The following NRDC variants were observed in gnomAD, a reference collection of about 807,000 sequenced individuals.
The protein encoded by NRDC is nardilysin convertase, also known as nardilysin.
Under a neutral mutation model 147.1 loss-of-function variants are expected in NRDC, and 54 were observed. That is an observed-to-expected ratio of 0.37 (90% confidence interval 0.29 to 0.46). The LOEUF is 0.46. Among genes scored for constraint, NRDC ranks in the 20% least tolerant of loss-of-function variants. NRDC has a pLI of 1.00. For synonymous variants in NRDC, 440 were observed against 482.1 expected (o/e 0.91, Z 1.14); for missense variants, 1,082 against 1,370.6 (o/e 0.79, Z 3.33).
intron 1 of NRDC, among the ~76,000 whole-genome samples, chr1:51,867,215 C>T (rs886516924): frequency 2.6e-5 from 4 of 152,054 alleles, no homozygotes; most frequent in African/African-American, 7.2e-5. Context: ...AAAGTATATC[C>T]TTATGTAACA....
At chr1:51,856,076 T>A (rs977965130) in intron 1 of NRDC, among the ~76,000 whole-genome samples, 4 of 152,348 alleles carry the variant, frequency 2.6e-5, no homozygotes, top group Admixed American at 2.6e-4. Flanking sequence ...CTCACACATT[T>A]CTGATGAATC....
chr1:51,855,307 C>T (rs1682180648), intron 1 of NRDC, among the ~76,000 whole-genome samples: 1 of 152,154 alleles, frequency 6.6e-6, no homozygotes, highest in Admixed American at 6.5e-5. Flanking sequence ...AAATGCCTTC[C>T]TTTCTACTGC....
intron 1 of NRDC, among the ~76,000 whole-genome samples, chr1:51,857,528 C>T (rs1217562370): frequency 6.6e-6 from 1 of 152,144 alleles, no homozygotes; most frequent in Non-Finnish European, 1.5e-5. Flanking sequence ...AGCAAGGTAC[C>T]CCTCAGACTC....
chr1:51,855,491 G>GA (rs56862218), intron 1 of NRDC, among the ~76,000 whole-genome samples: 6,564 of 144,920 alleles, frequency 0.045, 178 homozygotes, highest in South Asian at 0.11. Flanking sequence ...CCCTTATAAA[G>GA]AAAAAAAAAA....
chr1:51,790,044 A>AC (rs1361772343), intron 29 of NRDC, among the ~76,000 whole-genome samples: 1 of 152,106 alleles, frequency 6.6e-6, no homozygotes, highest in East Asian at 1.9e-4. Context: ...TTACTAAATA[A>AC]CCTCTTTACA....
Position 51,842,902 on chromosome 1 carries a change from C to CA in NRDC, c.342-2389dup, listed in dbSNP as rs564704302. ...GTAACATGGCAAAACCCCATCTCTACAAAAAAAAATACAAAAATTAGCTAG... is the reference window on the plus strand; with the variant it reads ...GTAACATGGCAAAACCCCATCTCTACAAAAAAAAAATACAAAAATTAGCTAG... On this transcript the variant is annotated intron_variant, in intron 1 of 30. Transcript: ENST00000352171. Among the ~76,000 whole-genome samples the CA allele has an allele frequency of 5.5e-3, 815 of 149,474 alleles. 1 individual carries two copies. The highest frequency in any genetic ancestry group is 9.2e-3 in the Non-Finnish European group (616 of 67,170).
Position 51,812,046 on chromosome 1 carries a change from G to A in NRDC, c.1727C>T (p.Pro576Leu). 2 of 1,613,936 alleles carry A rather than the reference G, an allele frequency of 1.2e-6. No homozygotes were observed. The highest frequency in any genetic ancestry group is 1.7e-6 in the Non-Finnish European group (2 of 1,179,864). ...ENMCENMQLY[P>L]LQDILTGDQL... is the part of the protein sequence containing the mutation. Reference sequence around the variant, plus strand: ...ATCTCCAGTGAGAATGTCCTGCAATGGGTACAGCTGCATGTTCTCACACAT... The same window carrying A: ...ATCTCCAGTGAGAATGTCCTGCAATAGGTACAGCTGCATGTTCTCACACAT... The change falls in exon 15 of 31, where the codon CCA becomes CTA. Residue 576 changes from proline to leucine, a missense_variant. Around this residue, in one of 3 missense-constraint regions of NRDC, gnomAD observed 635 missense variants for 923.8 expected, o/e 0.69. Transcript: ENST00000352171.
chr1:51,878,170 G>T, intron 1 of NRDC, 105 bp downstream of exon 1: 1 of 1,447,688 alleles, frequency 6.9e-7, no homozygotes, highest in Non-Finnish European at 9.3e-7. Flanking sequence ...GGTGGAAAGT[G>T]TGCCCTGTTG....
Position 51,814,035 on chromosome 1 carries a change from C to CT in NRDC, c.1673dup (p.Thr559AspfsTer5). ...GCAAAAAGAATTTGACTTCCAGTAC[C>CT]TGTTCTTGGTAATGAAATTCATTAT... On this transcript the variant is annotated frameshift_variant and splice_region_variant, in exon 14 of 31. Coordinates refer to ENST00000352171, the MANE Select transcript of NRDC (RefSeq NM_001101662.2). LOFTEE classifies it high-confidence loss of function. The CT allele has an allele frequency of 6.3e-7, 1 of 1,592,842 alleles. No individual in the cohort carries two copies. The highest frequency in any genetic ancestry group is 8.6e-7 in the Non-Finnish European group (1 of 1,162,492).
chr1:51,875,443 T>C (rs1376918922), intron 1 of NRDC, among the ~76,000 whole-genome samples: 1 of 152,258 alleles, frequency 6.6e-6, no homozygotes, highest in African/African-American at 2.4e-5. Flanking sequence ...TCTTAAGCAT[T>C]ATCTACTCTT....
Position 51,803,848 on chromosome 1 carries a change from A to G in NRDC, c.2279T>C (p.Ile760Thr). Residue 760 changes from isoleucine to threonine, a missense_variant, in exon 20 of 31, where the codon ATT becomes ACT. By Grantham distance (89) the Ile-to-Thr change is moderately conservative. Transcript: ENST00000352171. ...GTGGTTAAATCCTTTCACTCGAATA[A>G]TTAAACCATGTTCTCCAGCTACCAG... ...YKLVAGEHGL[I>T]IRVKGFNHKL... The G allele has an allele frequency of 6.2e-7, 1 of 1,613,786 alleles. No individual in the cohort carries two copies. The highest frequency in any genetic ancestry group is 8.5e-7 in the Non-Finnish European group (1 of 1,179,822).
chr1:51,806,984 C>T (rs1571852546), intron 17 of NRDC, 71 bp from the exon 18 acceptor site: 1 of 1,539,756 alleles, frequency 6.5e-7, no homozygotes, highest in South Asian at 1.3e-5. Context: ...TTATTGGCTT[C>T]AGAAGTCTAA....
In NRDC at chr1:51,878,699, G is replaced by C. The variant is rs532521774; in HGVS notation, c.-84C>G. The C allele has an allele frequency of 1.6e-6, 2 of 1,260,640 alleles. No homozygotes were observed. Among genetic ancestry groups the C allele is most frequent in the African/African-American group, 1.5e-5 (1 of 67,578 alleles). 78.1% of individuals were successfully genotyped at this position (1,260,640 alleles called of 1,614,324 possible). Reference sequence around the variant, plus strand: ...CTAGAGGCGGTGGCGGCCGGCCCTGGTGCTGCCGCAGCCGCGGGGAACAGG... The same window carrying C: ...CTAGAGGCGGTGGCGGCCGGCCCTGCTGCTGCCGCAGCCGCGGGGAACAGG... On this transcript the variant is annotated 5_prime_UTR_variant, in exon 1 of 31. Coordinates refer to ENST00000352171, the MANE Select transcript of NRDC (RefSeq NM_001101662.2).
intron 1 of NRDC, among the ~76,000 whole-genome samples, chr1:51,853,453 A>G (rs1044148977): frequency 7.2e-5 from 11 of 152,194 alleles, no homozygotes; most frequent in African/African-American, 2.7e-4. Flanking sequence ...CATTAAAAGT[A>G]AACAAGTCCA....
At chr1:51,869,415 T>C (rs147924270) in intron 1 of NRDC, among the ~76,000 whole-genome samples, 121 of 152,278 alleles carry the variant, frequency 7.9e-4, no homozygotes, top group African/African-American at 2.6e-3. Flanking sequence ...CTGAATACCA[T>C]CCCTAATCGT....
chr1:51,810,239 T>C lies in NRDC; in HGVS notation c.1903+42A>G, dbSNP rs374218068. On this transcript the variant is annotated intron_variant, in intron 16 of 30. Coordinates refer to ENST00000352171, the MANE Select transcript of NRDC (RefSeq NM_001101662.2). ...TAAAGAATAAACATTTCCAGGTAAGTTAAATATACCTAAATGTAAGACAAT... is the reference window on the plus strand; with the variant it reads ...TAAAGAATAAACATTTCCAGGTAAGCTAAATATACCTAAATGTAAGACAAT... 3 of 1,455,942 alleles carry C rather than the reference T, an allele frequency of 2.1e-6. No individual in the cohort carries two copies. The African/African-American group carries it at 4.3e-5, about 21-fold the overall frequency. 90.2% of individuals were successfully genotyped at this position (1,455,942 alleles called of 1,614,324 possible). A position where few individuals can be genotyped will look rare whatever the true frequency, so the allele number is the denominator to read the frequency against.
intron 2 of NRDC, among the ~76,000 whole-genome samples, chr1:51,836,942 G>A (rs1227974751): frequency 7.0e-5 from 10 of 142,528 alleles, no homozygotes. Flanking sequence ...AAATGATTGG[G>A]ACTTTTTTTT....
At position 51,845,610 on chromosome 1, in the gene NRDC, AGAAAAGAAAT is replaced by A. The variant is rs544667908; in HGVS notation, c.342-5106_342-5097del. On this transcript the variant is annotated intron_variant, in intron 1 of 30. Transcript: ENST00000352171. ...TCCGTCACAAAAAAAAGAAAAGAAA[AGAAAAGAAAT>A]GTCCCGTTTTCAGAAATGCCTTCTC... Among the ~76,000 whole-genome samples the A allele has an allele frequency of 2.1e-4, 32 of 152,282 alleles. 2 individuals carry two copies. The South Asian group carries it at 6.0e-3, about 29-fold the overall frequency.
intron 1 of NRDC, chr1:51,859,733 G>A (rs184792098): frequency 1.3e-5 from 2 of 152,132 alleles, no homozygotes; most frequent in Non-Finnish European, 1.5e-5. Flanking sequence ...AAGTCTTTAC[G>A]GTAACTTAAA....
Sources: allele counts gnomAD v4.1 joint callset (sites outside exome capture counted in the v4.1 genomes callset), GRCh38; gene constraint gnomAD v4.1.1; regional missense constraint gnomAD v4.1.1; transcripts MANE v1.5; gene names NCBI Gene and HGNC (gene_info 2026-07-23, HGNC 2026-07-21).